The following NEXMIF variants were observed in gnomAD, a reference collection of about 807,000 sequenced individuals.
NEXMIF encodes XLMR protein related to neurite extension.
In NEXMIF, 8 loss-of-function variants were observed where a neutral mutation model predicts 62.1. The observed-to-expected ratio is 0.13, with a 90% CI of 0.08 to 0.23. NEXMIF has a LOEUF of 0.23. Among genes scored for constraint, NEXMIF ranks in the 10% least tolerant of loss-of-function variants. NEXMIF has a pLI of 1.00. For synonymous variants in NEXMIF, 404 were observed against 416.6 expected (o/e 0.97, Z 0.37); for missense variants, 976 against 1,113.3 (o/e 0.88, Z 1.75).
chrX:74,764,304 C>A (rs1320109876), intron 1 of NEXMIF, among the ~76,000 whole-genome samples: 1 of 111,869 alleles, frequency 8.9e-6, no homozygotes, highest in Admixed American at 9.5e-5. Flanking sequence ...AGCTTTGCAT[C>A]CCAGGGATGA....
chrX:74,870,999 C>T (rs977321617), intron 1 of NEXMIF, among the ~76,000 whole-genome samples: 2 of 111,789 alleles, frequency 1.8e-5, no homozygotes, highest in East Asian at 2.8e-4. Flanking sequence ...AATGGTACAT[C>T]GAAGAGATAT....
chrX:74,750,266 TAG>T (rs2080138048), intron 1 of NEXMIF, among the ~76,000 whole-genome samples: 1 of 111,708 alleles, frequency 9.0e-6, no homozygotes, highest in African/African-American at 3.3e-5. Flanking sequence ...AGTCAGAATA[TAG>T]AGAGAAAAGA....
intron 1 of NEXMIF, among the ~76,000 whole-genome samples, chrX:74,850,127 A>G (rs186361929): frequency 1.1e-3 from 121 of 111,682 alleles, no homozygotes; most frequent in African/African-American, 3.8e-3. Context: ...TCACTGTCTC[A>G]TCTACCACCA....
At chrX:74,792,547 G>A (rs1159004470) in intron 1 of NEXMIF, among the ~76,000 whole-genome samples, 2 of 97,229 alleles carry the variant, frequency 2.1e-5, no homozygotes, top group Non-Finnish European at 4.1e-5. Flanking sequence ...TTTCTGTCTC[G>A]TTGATCTGTC....
chrX:74,868,824 C>T (rs985942146), intron 1 of NEXMIF, among the ~76,000 whole-genome samples: 128 of 110,930 alleles, frequency 1.2e-3, no homozygotes, highest in African/African-American at 3.4e-3. Context: ...GTAATGAGTT[C>T]GAAGCCATAA....
rs1193583846 is a variant in NEXMIF, at chrX:74,736,678, T to C, written c.*2727A>G. 1 of 112,021 alleles carries C rather than the reference T, an allele frequency of 8.9e-6. No individual in the cohort carries two copies. Among genetic ancestry groups the C allele is most frequent in the African/African-American group, 3.2e-5 (1 of 30,774 alleles). The allele number at this position is 112,021 out of a possible 1,213,427, so 9.2% of individuals were successfully genotyped here. On this transcript the variant is annotated 3_prime_UTR_variant, in exon 4 of 4. Transcript: ENST00000055682. ...ACAATGTACTGAGAGGAATATTAAA[T>C]GCAATTAAGAGAATAAACATCTTCT...
chrX:74,833,202 G>C (rs2080444551), intron 1 of NEXMIF, among the ~76,000 whole-genome samples: 1 of 109,845 alleles, frequency 9.1e-6, no homozygotes, highest in African/African-American at 3.3e-5. Flanking sequence ...GCTGAAAGTA[G>C]AGTGTTGAAG....
intron 1 of NEXMIF, among the ~76,000 whole-genome samples, chrX:74,747,298 A>G (rs2080128570): frequency 9.0e-6 from 1 of 111,661 alleles, no homozygotes; most frequent in Admixed American, 9.6e-5. Flanking sequence ...TTTTATCACC[A>G]GGAAGTCCAA....
chrX:74,790,482 C>T (rs2080277216), intron 1 of NEXMIF, among the ~76,000 whole-genome samples: 1 of 110,537 alleles, frequency 9.0e-6, no homozygotes, highest in African/African-American at 3.2e-5. Flanking sequence ...TCCATATGAA[C>T]TTTAAAGTAG....
intron 1 of NEXMIF, among the ~76,000 whole-genome samples, chrX:74,791,326 C>T (rs1366465992): frequency 9.0e-6 from 1 of 111,519 alleles, no homozygotes; most frequent in Non-Finnish European, 1.9e-5. Flanking sequence ...AGGGATGAAG[C>T]CCACTTGATC....
intron 1 of NEXMIF, among the ~76,000 whole-genome samples, chrX:74,828,619 C>T (rs2080425973): frequency 8.9e-6 from 1 of 111,795 alleles, no homozygotes; most frequent in African/African-American, 3.3e-5. Flanking sequence ...TAGGAATATG[C>T]TGTATCTTAT....
intron 1 of NEXMIF, among the ~76,000 whole-genome samples, chrX:74,855,587 T>G (rs1366757829): frequency 8.9e-6 from 1 of 111,941 alleles, no homozygotes; most frequent in African/African-American, 3.3e-5. Flanking sequence ...AGGGCTGTGT[T>G]GTTGCTCGAG....
intron 1 of NEXMIF, among the ~76,000 whole-genome samples, chrX:74,846,713 C>T (rs187983059): frequency 1.1e-3 from 120 of 112,237 alleles, no homozygotes; most frequent in African/African-American, 3.7e-3. Context: ...GCTACATGAG[C>T]AGGTTATAAA....
In NEXMIF at chrX:74,755,240, G is replaced by A. The variant is rs146263959; in HGVS notation, c.-47-9543C>T. 2.1e-4 allele frequency among the ~76,000 whole-genome samples: 24 copies of A among 112,044 alleles called. No individual in the cohort carries two copies. In the East Asian group the frequency reaches 6.4e-3, roughly 30 times the overall value. Reference sequence around the variant, plus strand: ...CTGGGACTGTCACATGGGTGTGGATGTATGTTAAGTTTTTTCACATTTATT... The same window carrying A: ...CTGGGACTGTCACATGGGTGTGGATATATGTTAAGTTTTTTCACATTTATT... On this transcript the variant is annotated intron_variant, in intron 1 of 3. Transcript: ENST00000055682.
At chrX:74,873,237 G>A (rs1053135063) in intron 1 of NEXMIF, among the ~76,000 whole-genome samples, 14 of 110,368 alleles carry the variant, frequency 1.3e-4, no homozygotes, top group South Asian at 3.9e-4. Context: ...GAGAATATGC[G>A]GTGTTTGGTT....
chrX:74,822,502 A>C (rs1028098970), intron 1 of NEXMIF, among the ~76,000 whole-genome samples: 3 of 112,365 alleles, frequency 2.7e-5, no homozygotes, highest in African/African-American at 9.7e-5. Context: ...CTGATAAGGA[A>C]CATGTATCTA....
intron 1 of NEXMIF, among the ~76,000 whole-genome samples, chrX:74,790,057 G>C (rs6647068): frequency 1.5e-4 from 13 of 84,945 alleles, no homozygotes; most frequent in African/African-American, 5.4e-4. Context: ...GCCCATGCCT[G>C]TGTCCTGAAT....
At position 74,882,360 on chromosome X, in the gene NEXMIF, C is replaced by T. The variant is rs185042760; in HGVS notation, c.-48+42523G>A. 3.9e-3 allele frequency among the ~76,000 whole-genome samples: 438 copies of T among 111,833 alleles called. 1 individual carries two copies. Among genetic ancestry groups the T allele is most frequent in the African/African-American group, 0.011 (349 of 30,765 alleles). On this transcript the variant is annotated intron_variant, in intron 1 of 3. Coordinates refer to ENST00000055682, the MANE Select transcript of NEXMIF (RefSeq NM_001008537.3). Reference sequence around the variant, plus strand: ...AAGGAGGTCAAGGCTTCGCCTCACCCGGGAAGTGCAAAGGGTCAGGGAATT... The same window carrying T: ...AAGGAGGTCAAGGCTTCGCCTCACCTGGGAAGTGCAAAGGGTCAGGGAATT...
chrX:74,856,539 T>C (rs1441929579), intron 1 of NEXMIF, among the ~76,000 whole-genome samples: 1 of 110,945 alleles, frequency 9.0e-6, no homozygotes, highest in Non-Finnish European at 1.9e-5. Context: ...CAGTGAACAA[T>C]AGACCACATA....
Sources: gnomAD v4.1 joint callset for allele counts (sites outside exome capture counted in the v4.1 genomes callset) on GRCh38, gnomAD v4.1.1 for gene constraint, MANE v1.5 for transcripts, NCBI Gene and HGNC (gene_info 2026-07-23, HGNC 2026-07-21) for gene names.